Variants in DOCK1 observed in about 807,000 individuals in gnomAD.
DOCK1 encodes dedicator of cytokinesis 1.
DOCK1 carries 138 observed loss-of-function variants against 262.7 expected under a neutral mutation model. The observed-to-expected ratio is 0.53, with a 90% CI of 0.46 to 0.61. DOCK1 has a LOEUF of 0.61. Ranked by LOEUF, DOCK1 falls within the 20% of genes least tolerant of loss-of-function variation. The probability of loss-of-function intolerance (pLI) is 0.00; values close to 1 mark genes in which losing one functional copy is unlikely to be tolerated. For synonymous variants in DOCK1, 866 were observed against 867.4 expected (o/e 1.00, Z 0.03); for missense variants, 1,908 against 2,370.7 (o/e 0.80, Z 4.05).
At chr10:127,202,386 C>A (rs1198884749) in intron 27 of DOCK1, among the ~76,000 whole-genome samples, 1 of 152,068 alleles carries the variant, frequency 6.6e-6, no homozygotes, top group Non-Finnish European at 1.5e-5. Context: ...GAGTTTCCAC[C>A]CACCAGCGCT....
chr10:127,121,455 A>ATGTGTGTGTG (rs59477974), intron 25 of DOCK1, among the ~76,000 whole-genome samples: 1,864 of 148,332 alleles, frequency 0.013, 20 homozygotes, highest in East Asian at 0.043. Flanking sequence ...GTATATGTAT[A>ATGTGTGTGTG]TGTGTGTGTG....
chr10:127,402,881 G>A (rs1157781515), intron 38 of DOCK1, among the ~76,000 whole-genome samples, 174 bp from the exon 39 acceptor site: 7 of 152,224 alleles, frequency 4.6e-5, no homozygotes, highest in Admixed American at 1.3e-4. Context: ...CGCAGGTCAC[G>A]AGCCAAAAGA....
intron 27 of DOCK1, among the ~76,000 whole-genome samples, chr10:127,174,236 CAGGGCGCTG>C (rs1306084533): frequency 6.6e-6 from 1 of 152,216 alleles, no homozygotes; most frequent in African/African-American, 2.4e-5. Flanking sequence ...CATGAGGCAA[CAGGGCGCTG>C]CCTCCGATGT....
At chr10:127,278,320 G>A (rs2060821694) in intron 29 of DOCK1, among the ~76,000 whole-genome samples, 1 of 152,048 alleles carries the variant, frequency 6.6e-6, no homozygotes, top group South Asian at 2.1e-4. Flanking sequence ...CAGTAAGGCA[G>A]CCACTCATTA....
At chr10:126,941,981 G>A in intron 1 of DOCK1, among the ~76,000 whole-genome samples, 1 of 152,112 alleles carries the variant, frequency 6.6e-6, no homozygotes, top group East Asian at 1.9e-4. Flanking sequence ...GAGGAGGGGA[G>A]AGCCAAGAGG....
Position 126,905,430 on chromosome 10 carries a change from C to A in DOCK1, c.-88C>A. On this transcript the variant is annotated 5_prime_UTR_variant, in exon 1 of 52. Coordinates refer to ENST00000623213, the MANE Select transcript of DOCK1 (RefSeq NM_001290223.2). The stretch of plus-strand genomic sequence containing the variant: ...CCGCCTCCGCCGCAAACTTTTTCCT[C>A]CCCATCCTGTCGCGGCTCGAAAGGA... 2 of 429,508 alleles carry A rather than the reference C, an allele frequency of 4.7e-6. No individual in the cohort carries two copies. Among genetic ancestry groups the A allele is most frequent in the Non-Finnish European group, 8.6e-6 (2 of 233,064 alleles). 26.6% of individuals were successfully genotyped at this position (429,508 alleles called of 1,614,324 possible).
chr10:127,056,575 C>T (rs930732989), intron 22 of DOCK1, among the ~76,000 whole-genome samples: 2 of 152,140 alleles, frequency 1.3e-5, no homozygotes, highest in African/African-American at 4.8e-5. Flanking sequence ...TTCCTTCTCT[C>T]CTCGCTTCGT....
At chr10:126,907,380 G>A (rs2031060826) in intron 1 of DOCK1, among the ~76,000 whole-genome samples, 1 of 152,138 alleles carries the variant, frequency 6.6e-6, no homozygotes, top group East Asian at 1.9e-4. Context: ...GTGCAGTAGT[G>A]GCCATTGGGG....
intron 1 of DOCK1, among the ~76,000 whole-genome samples, chr10:126,937,342 T>C (rs2034620650): frequency 6.6e-6 from 1 of 152,192 alleles, no homozygotes; most frequent in African/African-American, 2.4e-5. Context: ...TTATTTTGAG[T>C]GTGTACCCAG....
intron 23 of DOCK1, among the ~76,000 whole-genome samples, chr10:127,088,519 T>G (rs912916493): frequency 6.6e-6 from 1 of 152,232 alleles, no homozygotes; most frequent in South Asian, 2.1e-4. Context: ...AATCTCTTGT[T>G]TCTGTTACTG....
At chr10:126,931,210 T>G (rs2034162392) in intron 1 of DOCK1, among the ~76,000 whole-genome samples, 1 of 152,126 alleles carries the variant, frequency 6.6e-6, no homozygotes, top group Non-Finnish European at 1.5e-5. Flanking sequence ...TGCAAGCCTC[T>G]CATGAGCTTA....
chr10:127,237,747 A>G (rs1380245440), intron 27 of DOCK1, among the ~76,000 whole-genome samples: 1 of 152,206 alleles, frequency 6.6e-6, no homozygotes, highest in Non-Finnish European at 1.5e-5. Context: ...TTGATTGGAA[A>G]AGAAATACCT....
chr10:127,285,999 G>T (rs565902029), intron 29 of DOCK1, among the ~76,000 whole-genome samples: 15 of 152,260 alleles, frequency 9.9e-5, no homozygotes, highest in African/African-American at 3.4e-4. Flanking sequence ...GTTTTCCTCT[G>T]GTTGGTGATG....
chr10:127,219,448 G>T (rs2058339029), intron 27 of DOCK1, among the ~76,000 whole-genome samples: 1 of 152,082 alleles, frequency 6.6e-6, no homozygotes, highest in South Asian at 2.1e-4. Context: ...TCATGTCAGG[G>T]CTGATTTTTT....
chr10:126,982,048 C>T (rs1247185893), intron 4 of DOCK1, 75 bp downstream of exon 4: 9 of 1,502,458 alleles, frequency 6.0e-6, no homozygotes, highest in Middle Eastern at 1.7e-4. Context: ...TGTACGATGG[C>T]GTAATATGAG....
chr10:126,926,141 A>T (rs116426429), intron 1 of DOCK1, among the ~76,000 whole-genome samples: 8 of 152,100 alleles, frequency 5.3e-5, no homozygotes, highest in Admixed American at 5.2e-4. Context: ...CGTGCCCGAC[A>T]CCTGGTAGCC....
At chr10:127,136,030 C>T (rs1285178300) in intron 27 of DOCK1, 2 of 152,574 alleles carry the variant, frequency 1.3e-5, no homozygotes, top group Non-Finnish European at 2.9e-5. Context: ...GTTCTTGCAC[C>T]AAAATATTTC....
chr10:127,204,825 G>A lies in DOCK1; in HGVS notation c.2848-43183G>A, dbSNP rs538737020. Among the ~76,000 whole-genome samples, 26 of 152,258 alleles carry A rather than the reference G, an allele frequency of 1.7e-4. 1 individual carries two copies. The South Asian group carries it at 2.5e-3, about 15-fold the overall frequency. ...GTGGCTTTGAGAGGCCGTGATAGCC[G>A]ATACCCTCAATGGCTGCTCTTGGCC... On this transcript the variant is annotated intron_variant, in intron 27 of 51. Transcript: ENST00000623213.
intron 1 of DOCK1, among the ~76,000 whole-genome samples, chr10:126,960,629 T>G (rs2134524920): frequency 6.6e-6 from 1 of 151,400 alleles, no homozygotes; most frequent in African/African-American, 2.4e-5. Context: ...TGGCAAGAAC[T>G]CATCTGTTTA....
Sources: allele counts gnomAD v4.1 joint callset (sites outside exome capture counted in the v4.1 genomes callset), GRCh38; gene constraint gnomAD v4.1.1; transcripts MANE v1.5; gene names NCBI Gene and HGNC (gene_info 2026-07-23, HGNC 2026-07-21).